BRDT: variants seen among roughly 807,000 people sequenced by gnomAD.
BRDT encodes bromodomain testis associated.
Under a neutral mutation model 113.9 loss-of-function variants are expected in BRDT, and 77 were observed. The ratio of observed to expected loss-of-function variants is 0.68; its 90% confidence interval spans 0.56 to 0.82. BRDT has a LOEUF of 0.82. Among genes scored for constraint, BRDT ranks in the 40% least tolerant of loss-of-function variants. The probability of loss-of-function intolerance (pLI) is 0.00; values close to 1 mark genes in which losing one functional copy is unlikely to be tolerated. For missense variants in BRDT, 1,027 were observed against 1,105.4 expected (o/e 0.93, Z 1.01); for synonymous variants, 358 against 366.5 (o/e 0.98, Z 0.26).
chr1:92,014,031 C>G (rs1389206374), intron 18 of BRDT, among the ~76,000 whole-genome samples, 175 bp from the exon 19 acceptor site: 1 of 151,880 alleles, frequency 6.6e-6, no homozygotes, highest in Admixed American at 6.6e-5. Context: ...AATATTTGAA[C>G]AGAAATAATT....
At chr1:91,996,527 G>GT (rs1364764410) in intron 15 of BRDT, among the ~76,000 whole-genome samples, 1 of 152,170 alleles carries the variant, frequency 6.6e-6, no homozygotes, top group Non-Finnish European at 1.5e-5. Flanking sequence ...GATTACAGGC[G>GT]TGAGCCACCA....
chr1:91,992,224 A>G (rs753063476), intron 13 of BRDT, 40 bp from the exon 14 acceptor site: 2 of 1,087,448 alleles, frequency 1.8e-6, no homozygotes, highest in South Asian at 1.8e-5. Flanking sequence ...TGGTTAAGAG[A>G]TAATATGATT....
At chr1:91,977,811 C>T (rs865813108) in intron 6 of BRDT, among the ~76,000 whole-genome samples, 1 of 151,760 alleles carries the variant, frequency 6.6e-6, no homozygotes, top group Non-Finnish European at 1.5e-5. Flanking sequence ...GGAGAGGTTG[C>T]AGTGAGCGGA....
chr1:91,969,369 A>G lies in BRDT; in HGVS notation c.445+1109A>G, dbSNP rs1276109935. On this transcript the variant is annotated intron_variant, in intron 4 of 18. Coordinates refer to ENST00000399546, the MANE Select transcript of BRDT (RefSeq NM_207189.4). The stretch of plus-strand genomic sequence containing the variant: ...TTTTTTTGAGGTTTTTATTGGTACT[A>G]ATATATACTTTTTTATTGCTAATAG... Among the ~76,000 whole-genome samples the G allele has an allele frequency of 2.0e-5, 3 of 149,978 alleles. No individual in the cohort carries two copies. The Admixed American group carries it at 2.0e-4, about 10-fold the overall frequency.
At chr1:91,977,440 AG>A in intron 6 of BRDT, 47 bp downstream of exon 6, 1 of 1,364,118 alleles carries the variant, frequency 7.3e-7, no homozygotes, top group South Asian at 1.6e-5. Flanking sequence ...TGATTATAAA[AG>A]TAATTCATCA....
intron 1 of BRDT, among the ~76,000 whole-genome samples, chr1:91,953,923 C>T (rs567354267): frequency 3.3e-5 from 5 of 151,668 alleles, no homozygotes; most frequent in Non-Finnish European, 5.9e-5. Flanking sequence ...GCTCATGATA[C>T]ATTTTTTTTT....
At chr1:91,957,338 A>C (rs1485377630) in intron 1 of BRDT, among the ~76,000 whole-genome samples, 4 of 152,114 alleles carry the variant, frequency 2.6e-5, no homozygotes, top group Non-Finnish European at 4.4e-5. Context: ...CTAAAAATAC[A>C]AAAAACTAGC....
intron 15 of BRDT, among the ~76,000 whole-genome samples, chr1:92,000,529 C>T (rs1686742450): frequency 6.6e-6 from 1 of 152,208 alleles, no homozygotes; most frequent in Admixed American, 6.5e-5. Flanking sequence ...TTGCTCTCTT[C>T]TTCTAACCTC....
intron 4 of BRDT, among the ~76,000 whole-genome samples, chr1:91,969,411 A>T (rs1342564823): frequency 6.6e-6 from 1 of 151,466 alleles, no homozygotes; most frequent in African/African-American, 2.4e-5. Flanking sequence ...AAGGTGGGTC[A>T]TAACTTATAG....
At position 91,981,380 on chromosome 1, in the gene BRDT, A is replaced by T. The variant is rs766351077; in HGVS notation, c.1863A>T (p.Lys621Asn). The part of the protein sequence containing the change: ...NQLNSRKRQT[K>N]SDKTQPSKAV... ...TAAATTCTAGAAAACGTCAAACAAA[A>T]TGTAGGTGGCAGTTTTTGTTTGTTT... The change falls in exon 11 of 19, where the codon AAA becomes AAT. Residue 621 changes from lysine (K) to asparagine (N), a missense_variant and splice_region_variant. Transcript: ENST00000399546. 12 of 1,609,004 alleles carry T rather than the reference A, an allele frequency of 7.5e-6. No homozygotes were observed. Among genetic ancestry groups the T allele is most frequent in the Non-Finnish European group, 1.0e-5 (12 of 1,176,050 alleles).
intron 1 of BRDT, among the ~76,000 whole-genome samples, chr1:91,961,040 G>A (rs1406799420): frequency 6.6e-6 from 1 of 152,240 alleles, no homozygotes; most frequent in Non-Finnish European, 1.5e-5. Context: ...GTCGGGTGCA[G>A]TGGCTCACGC....
At chr1:91,951,055 G>A (rs1157430001) in intron 1 of BRDT, among the ~76,000 whole-genome samples, 1 of 151,176 alleles carries the variant, frequency 6.6e-6, no homozygotes, top group African/African-American at 2.4e-5. Context: ...GTCCTGCTGT[G>A]TTGCCCAGGT....
Position 91,977,352 on chromosome 1 carries a change from T to G in BRDT, c.928T>G (p.Tyr310Asp). 1 of 1,598,624 alleles carries G rather than the reference T, an allele frequency of 6.3e-7. No homozygotes were observed. Among genetic ancestry groups the G allele is most frequent in the Non-Finnish European group, 8.5e-7 (1 of 1,173,810 alleles). Residue 310 changes from tyrosine to aspartate, a missense_variant, in exon 6 of 19, where the codon TAT becomes GAT. Tyr to Asp is a radical substitution (Grantham distance 160, BLOSUM62 -3). Coordinates refer to ENST00000399546, the MANE Select transcript of BRDT (RefSeq NM_207189.4). ...DVNALGLHNY[Y>D]DVVKNPMDLG... ...TAATGCTTTGGGACTCCATAACTACTATGACGTTGTCAAAAATCCGATGGA... is the reference window on the plus strand; with the variant it reads ...TAATGCTTTGGGACTCCATAACTACGATGACGTTGTCAAAAATCCGATGGA...
intron 1 of BRDT, among the ~76,000 whole-genome samples, chr1:91,951,650 T>A (rs1354141368): frequency 6.6e-6 from 1 of 151,406 alleles, no homozygotes; most frequent in Non-Finnish European, 1.5e-5. Flanking sequence ...GGCACGCGCC[T>A]GTAATCCCAG....
chr1:91,963,368 G>A (rs904542603), intron 2 of BRDT, among the ~76,000 whole-genome samples: 2 of 152,116 alleles, frequency 1.3e-5, no homozygotes, highest in Non-Finnish European at 2.9e-5. Context: ...CATCATTAAA[G>A]TCTATCCCAA....
At chr1:91,971,461 T>A (rs933250180) in intron 4 of BRDT, among the ~76,000 whole-genome samples, 10 of 152,188 alleles carry the variant, frequency 6.6e-5, no homozygotes, top group Admixed American at 2.0e-4. Flanking sequence ...CATGTCTTTG[T>A]TAGTCACAGT....
chr1:91,959,419 CTTT>C (rs11346071), intron 1 of BRDT, among the ~76,000 whole-genome samples: 63 of 112,758 alleles, frequency 5.6e-4, no homozygotes, highest in South Asian at 1.7e-3. Context: ...CTTTTTCTTT[CTTT>C]TTTTTTTTTT....
rs1462247576 is a variant in BRDT at position 91,994,168 on chromosome 1, A to T, written c.2201A>T (p.His734Leu). 9 of 1,613,248 alleles carry T rather than the reference A, an allele frequency of 5.6e-6. No homozygotes were observed. In the Admixed American group the frequency reaches 1.3e-4, roughly 24 times the overall value. Residue 734 changes from histidine to leucine, a missense_variant, in exon 15 of 19, where the codon CAC (histidine) becomes CTC (leucine). Physicochemically the swap from His to Leu is moderately conservative, Grantham distance 99 (BLOSUM62 -3). Transcript: ENST00000399546. Reference sequence around the variant, plus strand: ...CCTTCACATGTAATGCCACCAAATCACCACCAATTAGCATTTAATTATCAA... The same window carrying T: ...CCTTCACATGTAATGCCACCAAATCTCCACCAATTAGCATTTAATTATCAA... ...TTPSHVMPPN[H>L]HQLAFNYQEL...
intron 4 of BRDT, among the ~76,000 whole-genome samples, chr1:91,969,823 G>GTTT (rs66466350): frequency 3.5e-4 from 25 of 71,620 alleles, no homozygotes; most frequent in African/African-American, 7.4e-4. Flanking sequence ...GTGTGTGTGT[G>GTTT]TTTTTTTTTT....
Sources: allele counts gnomAD v4.1 joint callset (sites outside exome capture counted in the v4.1 genomes callset), GRCh38; gene constraint gnomAD v4.1.1; transcripts MANE v1.5; gene names NCBI Gene and HGNC (gene_info 2026-07-23, HGNC 2026-07-21).